SLC19A3: variants seen among roughly 807,000 people sequenced by gnomAD.
SLC19A3 encodes thiamine transporter 2.
In SLC19A3, 31 loss-of-function variants were observed where a neutral mutation model predicts 40.2. That is an observed-to-expected ratio of 0.77 (90% confidence interval 0.58 to 1.04). SLC19A3 has a LOEUF of 1.04. Ranked by LOEUF, SLC19A3 falls within the 50% of genes least tolerant of loss-of-function variation. SLC19A3 has a pLI of 0.00. For missense variants in SLC19A3, 592 were observed against 596.7 expected (o/e 0.99, Z 0.08); for synonymous variants, 212 against 227.5 (o/e 0.93, Z 0.61).
At chr2:227,714,618 T>C in intron 1 of SLC19A3, 1 of 983,310 alleles carries the variant, frequency 1.0e-6, no homozygotes, top group South Asian at 4.7e-5. Context: ...GCAATAGCTT[T>C]ATACGCAGAA....
At chr2:227,702,459 T>G in intron 1 of SLC19A3, 139 bp from the exon 2 acceptor site, 1 of 817,520 alleles carries the variant, frequency 1.2e-6, no homozygotes, top group Non-Finnish European at 1.9e-6. Flanking sequence ...AGTGGCATGA[T>G]CTCAGCCCAT....
At position 227,706,243 on chromosome 2, in the gene SLC19A3, C is replaced by T. The variant is rs1012612818; in HGVS notation, c.-2-3923G>A. 2.0e-5 allele frequency: 23 copies of T among 1,127,800 alleles called. No homozygotes were observed. In the African/African-American group the frequency reaches 3.2e-4, roughly 16 times the overall value. 69.9% of individuals were successfully genotyped at this position (1,127,800 alleles called of 1,614,324 possible). Reference sequence around the variant, plus strand: ...CATATTATCCGCCTCTAAAAAAGTGCTCTAAACGTCCCTTTGCTTCCACTG... The same window carrying T: ...CATATTATCCGCCTCTAAAAAAGTGTTCTAAACGTCCCTTTGCTTCCACTG... On this transcript the variant is annotated intron_variant, in intron 1 of 5. Transcript: ENST00000644224.
intron 4 of SLC19A3, among the ~76,000 whole-genome samples, chr2:227,692,286 T>C (rs1456759346): frequency 6.6e-6 from 1 of 152,168 alleles, no homozygotes; most frequent in Non-Finnish European, 1.5e-5. Context: ...CTGATGAATA[T>C]TGATGCAAAA....
rs537238132 is a variant in SLC19A3, at chr2:227,689,332, G to A, written c.1173-1025C>T. On this transcript the variant is annotated intron_variant, in intron 4 of 5. Coordinates refer to ENST00000644224, the MANE Select transcript of SLC19A3 (RefSeq NM_025243.4). ...GGTATTTAATAATCAAACTCCCAAA[G>A]GTTAAGGATAAAGAAAGGATTCTAA... 4.6e-4 allele frequency among the ~76,000 whole-genome samples: 70 copies of A among 152,168 alleles called. 1 individual carries two copies. The highest frequency in any genetic ancestry group is 1.7e-3 in the African/African-American group (69 of 41,516).
intron 1 of SLC19A3, among the ~76,000 whole-genome samples, chr2:227,705,333 G>A (rs946158923): frequency 2.6e-5 from 4 of 151,588 alleles, no homozygotes; most frequent in Non-Finnish European, 5.9e-5. Context: ...GGGCTCAGTG[G>A]ATCATGCCTG....
intron 1 of SLC19A3, among the ~76,000 whole-genome samples, chr2:227,711,977 G>A (rs1696154246): frequency 6.8e-6 from 1 of 147,216 alleles, no homozygotes. Context: ...TTGAACCCAG[G>A]AGGTGGAGGT....
rs749551153 is a variant in SLC19A3, at chr2:227,688,255, T to G, written c.1225A>C (p.Ile409Leu). The G allele has an allele frequency of 3.7e-6, 6 of 1,614,064 alleles. No individual in the cohort carries two copies. In the South Asian group the frequency reaches 6.6e-5, roughly 18 times the overall value. The part of the protein sequence containing the change: ...NVERYALVFG[I>L]NTFIALVIQT... The stretch of plus-strand genomic sequence containing the variant: ...ATCACCAAGGCAATAAAGGTGTTGA[T>G]TCCAAATACCAAGGCATAGCGTTCC... The change falls in exon 5 of 6, where the codon ATC (isoleucine) becomes CTC (leucine). Residue 409 changes from isoleucine to leucine, a missense_variant. Transcript: ENST00000644224.
intron 1 of SLC19A3, chr2:227,706,614 C>T (rs959266971): frequency 6.7e-5 from 23 of 343,054 alleles, no homozygotes; most frequent in Middle Eastern, 2.0e-3. Context: ...CTACTAATAA[C>T]GCAAAAATTA....
chr2:227,688,215 G>A lies in SLC19A3; in HGVS notation c.1265C>T (p.Thr422Ile), dbSNP rs758399720. ...FIALVIQTIM[T>I]VIVVDQRGLN... ...CCCTCTCTGATCTACTACAATCACAGTCATGATGGTCTGAATCACCAAGGC... is the reference window on the plus strand; with the variant it reads ...CCCTCTCTGATCTACTACAATCACAATCATGATGGTCTGAATCACCAAGGC... Residue 422 changes from threonine to isoleucine, a missense_variant, in exon 5 of 6, where the codon ACT (threonine) becomes ATT (isoleucine). Physicochemically the swap from Thr to Ile is moderately conservative, Grantham distance 89. Transcript: ENST00000644224. The A allele has an allele frequency of 1.2e-6, 2 of 1,613,948 alleles. No homozygotes were observed. The highest frequency in any genetic ancestry group is 1.3e-5 in the African/African-American group (1 of 74,934).
intron 1 of SLC19A3, among the ~76,000 whole-genome samples, chr2:227,714,049 C>T (rs1318790035): frequency 6.6e-6 from 1 of 152,108 alleles, no homozygotes; most frequent in Non-Finnish European, 1.5e-5. Context: ...TATCCTATAT[C>T]TTGATGGGAT....
intron 1 of SLC19A3, among the ~76,000 whole-genome samples, chr2:227,708,241 T>A (rs1696019136): frequency 6.6e-6 from 1 of 152,170 alleles, no homozygotes; most frequent in South Asian, 2.1e-4. Flanking sequence ...TATGAATGAA[T>A]TTGGCAGGAG....
intron 1 of SLC19A3, among the ~76,000 whole-genome samples, chr2:227,712,633 T>C (rs1483502724): frequency 1.3e-5 from 2 of 152,226 alleles, no homozygotes; most frequent in Non-Finnish European, 2.9e-5. Flanking sequence ...TATCCAAGAA[T>C]GTTCATATAT....
chr2:227,706,329 T>G (rs992458304), intron 1 of SLC19A3: 103 of 1,231,594 alleles, frequency 8.4e-5, no homozygotes, highest in Non-Finnish European at 1.0e-4. Flanking sequence ...GAAAGCCAGA[T>G]GTTTACCTTT....
At chr2:227,711,638 G>T (rs868070465) in intron 1 of SLC19A3, among the ~76,000 whole-genome samples, 2 of 151,636 alleles carry the variant, frequency 1.3e-5, no homozygotes, top group Non-Finnish European at 2.9e-5. Context: ...ACAGATCTTC[G>T]TTACCTAGGG....
At chr2:227,707,835 C>A (rs1457221328) in intron 1 of SLC19A3, among the ~76,000 whole-genome samples, 1 of 152,160 alleles carries the variant, frequency 6.6e-6, no homozygotes, top group Non-Finnish European at 1.5e-5. Flanking sequence ...TCAAGCAATT[C>A]TCCTGCTTCA....
chr2:227,687,634 C>T (rs761969433), intron 5 of SLC19A3, 61 bp from the exon 6 acceptor site: 9 of 1,549,892 alleles, frequency 5.8e-6, no homozygotes, highest in Non-Finnish European at 7.9e-6. Flanking sequence ...AATGATAATA[C>T]ATCCTAATAC....
At chr2:227,701,774 A>G (rs574388078) in intron 2 of SLC19A3, 2 of 170,782 alleles carry the variant, frequency 1.2e-5, no homozygotes, top group African/African-American at 4.8e-5. Flanking sequence ...ACAGTGTCAT[A>G]AAGAAATACC....
chr2:227,709,354 G>A (rs556986922), intron 1 of SLC19A3, among the ~76,000 whole-genome samples: 91 of 152,062 alleles, frequency 6.0e-4, no homozygotes, highest in Admixed American at 2.0e-4. Context: ...GCATGGTGGC[G>A]GGCACCTGTA....
At chr2:227,696,233 T>C (rs1358632824) in intron 3 of SLC19A3, 152 bp from the exon 4 acceptor site, 2 of 733,892 alleles carry the variant, frequency 2.7e-6, no homozygotes, top group Non-Finnish European at 4.6e-6. Context: ...TGTGGATCTA[T>C]CCTTTTCTCA....
Sources: gnomAD v4.1 joint callset for allele counts (sites outside exome capture counted in the v4.1 genomes callset) on GRCh38, gnomAD v4.1.1 for gene constraint, MANE v1.5 for transcripts, NCBI Gene and HGNC (gene_info 2026-07-23, HGNC 2026-07-21) for gene names.